AP2B1: variants seen among roughly 807,000 people sequenced by gnomAD.
AP2B1 encodes adaptor related protein complex 2 subunit beta 1, also known as AP-2 complex subunit beta.
AP2B1 carries 23 observed loss-of-function variants against 102.0 expected under a neutral mutation model. The ratio of observed to expected loss-of-function variants is 0.23; its 90% CI spans 0.16 to 0.32. The LOEUF (loss-of-function observed/expected upper bound fraction) is 0.32. Among genes scored for constraint, AP2B1 ranks in the 10% least tolerant of loss-of-function variants. The pLI, the probability that AP2B1 is intolerant of heterozygous loss-of-function variation, is 1.00. For missense variants in AP2B1, 541 were observed against 1,157.4 expected (o/e 0.47, Z 7.73); for synonymous variants, 381 against 421.2 (o/e 0.90, Z 1.17).
chr17:35,701,211 ATTAC>A (rs1321233898), intron 18 of AP2B1, among the ~76,000 whole-genome samples: 2 of 152,318 alleles, frequency 1.3e-5, no homozygotes, highest in East Asian at 1.9e-4. Context: ...TTCAGGAAAT[ATTAC>A]TTACTCTTCA....
At chr17:35,721,439 T>C (rs1202170098) in intron 21 of AP2B1, among the ~76,000 whole-genome samples, 1 of 152,066 alleles carries the variant, frequency 6.6e-6, no homozygotes, top group Non-Finnish European at 1.5e-5. Context: ...AAGGCCTCTT[T>C]CTCCCTAGGA....
At chr17:35,672,521 A>G (rs1367970079) in intron 16 of AP2B1, among the ~76,000 whole-genome samples, 2 of 152,176 alleles carry the variant, frequency 1.3e-5, no homozygotes, top group African/African-American at 4.8e-5. Flanking sequence ...CTGAGGACCA[A>G]TTTGGCTGAA....
At chr17:35,709,650 C>T (rs1045373929) in intron 19 of AP2B1, among the ~76,000 whole-genome samples, 3 of 152,106 alleles carry the variant, frequency 2.0e-5, no homozygotes, top group East Asian at 1.9e-4. Context: ...TTGGAACTTC[C>T]GCTTCCAAAT....
intron 13 of AP2B1, among the ~76,000 whole-genome samples, chr17:35,651,248 C>A (rs574479278): frequency 9.2e-5 from 14 of 151,894 alleles, no homozygotes; most frequent in African/African-American, 2.9e-4. Flanking sequence ...TGCTGTAAAG[C>A]TGTTAATGAA....
At chr17:35,665,243 G>A (rs991641373) in intron 14 of AP2B1, among the ~76,000 whole-genome samples, 13 of 144,360 alleles carry the variant, frequency 9.0e-5, no homozygotes, top group East Asian at 6.5e-4. Flanking sequence ...TCCTCCCACC[G>A]CAGCCTCCGA....
At chr17:35,630,200 A>G (rs942165259) in intron 9 of AP2B1, among the ~76,000 whole-genome samples, 2 of 152,222 alleles carry the variant, frequency 1.3e-5, no homozygotes, top group Non-Finnish European at 2.9e-5. Flanking sequence ...CTGTTGATAA[A>G]TAATTTAATA....
At chr17:35,674,652 C>T (rs980751767) in intron 17 of AP2B1, among the ~76,000 whole-genome samples, 1 of 152,174 alleles carries the variant, frequency 6.6e-6, no homozygotes, top group Non-Finnish European at 1.5e-5. Flanking sequence ...TTGCAGTGAG[C>T]CGAGATTACG....
At chr17:35,704,796 G>A (rs775392466) in intron 18 of AP2B1, among the ~76,000 whole-genome samples, 5 of 152,158 alleles carry the variant, frequency 3.3e-5, no homozygotes, top group South Asian at 2.1e-4. Flanking sequence ...CCTTTGGGAG[G>A]CTGAGGTGGG....
chr17:35,720,563 A>ATTT, intron 21 of AP2B1, among the ~76,000 whole-genome samples: 1 of 49,656 alleles, frequency 2.0e-5, no homozygotes, highest in African/African-American at 7.7e-5. Context: ...ATATATATAT[A>ATTT]TATATATATA....
chr17:35,635,408 G>A (rs536630922), intron 9 of AP2B1, among the ~76,000 whole-genome samples: 37 of 152,056 alleles, frequency 2.4e-4, no homozygotes, highest in African/African-American at 8.4e-4. Flanking sequence ...TTTTTGAGAC[G>A]GAGTCTCGTT....
intron 5 of AP2B1, among the ~76,000 whole-genome samples, chr17:35,619,021 C>T (rs1393933570): frequency 2.0e-5 from 3 of 152,052 alleles, no homozygotes; most frequent in Admixed American, 6.5e-5. Context: ...CTTTCCCTTC[C>T]CTTGGTTGAA....
intron 21 of AP2B1, among the ~76,000 whole-genome samples, chr17:35,719,407 C>A (rs1312973258): frequency 1.3e-5 from 2 of 151,996 alleles, no homozygotes; most frequent in Non-Finnish European, 2.9e-5. Context: ...CAGACTCTCA[C>A]CCCAGCCCTA....
At chr17:35,616,596 T>G (rs1409530879) in intron 5 of AP2B1, among the ~76,000 whole-genome samples, 1 of 152,216 alleles carries the variant, frequency 6.6e-6, no homozygotes, top group African/African-American at 2.4e-5. Context: ...CGTGGTACAT[T>G]TGCCAAAACT....
At chr17:35,678,381 T>C (rs2075747011) in intron 17 of AP2B1, among the ~76,000 whole-genome samples, 2 of 152,292 alleles carry the variant, frequency 1.3e-5, no homozygotes, top group Admixed American at 1.3e-4. Context: ...CCTTTTATTT[T>C]TTCTTCTTGT....
chr17:35,720,545 T>TATATATATATATATATATATATATA (rs1568062926), intron 21 of AP2B1, among the ~76,000 whole-genome samples: 1 of 54,354 alleles, frequency 1.8e-5, no homozygotes, highest in Non-Finnish European at 3.2e-5. Flanking sequence ...TTTATTTTAT[T>TATATATATATATATATATATATATA]TATATATATA....
At chr17:35,683,927 C>T (rs754711309) in intron 18 of AP2B1, among the ~76,000 whole-genome samples, 52 of 152,350 alleles carry the variant, frequency 3.4e-4, no homozygotes, top group Non-Finnish European at 6.6e-4. Context: ...GAGCAGGGTT[C>T]TGGGTATAGC....
Position 35,717,281 on chromosome 17 carries a change from C to T in AP2B1, c.2713C>T (p.Leu905=). Residue 905 remains leucine (L), a synonymous_variant, in exon 21 of 22, where the codon CTG becomes TTG. Coordinates refer to ENST00000610402, the MANE Select transcript of AP2B1 (RefSeq NM_001030006.2). ...VEGQDMLYQS[L]KLTNGIWILA... ...AGGGCAGGACATGCTGTACCAATCCCTGAAGCTCACTAATGGCATTTGGAT... is the reference window on the plus strand; with the variant it reads ...AGGGCAGGACATGCTGTACCAATCCTTGAAGCTCACTAATGGCATTTGGAT... The T allele has an allele frequency of 6.2e-7, 1 of 1,614,170 alleles. No homozygotes were observed. Among genetic ancestry groups the T allele is most frequent in the South Asian group, 1.1e-5 (1 of 91,074 alleles).
intron 3 of AP2B1, among the ~76,000 whole-genome samples, chr17:35,604,890 A>G (rs534519906): frequency 6.6e-5 from 10 of 152,338 alleles, no homozygotes; most frequent in Non-Finnish European, 8.8e-5. Context: ...CTAAAACTAT[A>G]GAGACCTTGT....
chr17:35,591,171 C>CAAA (rs35271211), intron 1 of AP2B1, among the ~76,000 whole-genome samples: 13 of 68,862 alleles, frequency 1.9e-4, no homozygotes, highest in Non-Finnish European at 2.4e-4. Context: ...GATTTTGTCT[C>CAAA]AAAAAAAAAA....
Sources: allele counts gnomAD v4.1 joint callset (sites outside exome capture counted in the v4.1 genomes callset), GRCh38; gene constraint gnomAD v4.1.1; transcripts MANE v1.5; gene names NCBI Gene and HGNC (gene_info 2026-07-23, HGNC 2026-07-21).